CORO2A: variants seen among roughly 807,000 people sequenced by gnomAD.
CORO2A encodes the protein coronin-2A.
Under a neutral mutation model 62.4 loss-of-function variants are expected in CORO2A, and 47 were observed. The ratio of observed to expected loss-of-function variants is 0.75; its 90% confidence interval spans 0.60 to 0.96. The LOEUF (loss-of-function observed/expected upper bound fraction) is 0.96, where lower values mean the gene tolerates loss of function less well. Among genes scored for constraint, CORO2A ranks in the 40% least tolerant of loss-of-function variants. The pLI, the probability that CORO2A is intolerant of heterozygous loss-of-function variation, is 0.00. For synonymous variants in CORO2A, 273 were observed against 268.9 expected, an observed-to-expected ratio of 1.02 and a Z score of -0.15; for missense variants, 610 against 684.1, an observed-to-expected ratio of 0.89 and a Z score of 1.21.
chr9:98,126,626 T>C lies in CORO2A; in HGVS notation c.1369A>G (p.Arg457Gly). 1 of 1,614,150 alleles carries C rather than the reference T, an allele frequency of 6.2e-7. No individual in the cohort carries two copies. The highest frequency in any genetic ancestry group is 8.5e-7 in the Non-Finnish European group (1 of 1,180,016). The change falls in exon 11 of 12, where the codon AGG becomes GGG. Residue 457 changes from arginine to glycine, a missense_variant. Transcript: ENST00000375077. The part of the protein sequence containing the change: ...EKMPRWAAEH[R>G]LEEKKTWLTN... ...AGCCAGGTTTTCTTCTCCTCCAGCC[T>C]GTGTTCTGCTGCCCACCTTGGCATC...
rs1827262445 is a variant in CORO2A, at chr9:98,122,941, G to A, written c.*1833C>T. Reference sequence around the variant, plus strand: ...TTGGTTTTGACCACCTGCCTGTGTTGTAGAATTGGGTTGAATGCCTCTGAC... The same window carrying A: ...TTGGTTTTGACCACCTGCCTGTGTTATAGAATTGGGTTGAATGCCTCTGAC... On this transcript the variant is annotated 3_prime_UTR_variant, in exon 12 of 12. Transcript: ENST00000375077. 1 of 152,272 alleles carries A rather than the reference G, an allele frequency of 6.6e-6. No homozygotes were observed. The highest frequency in any genetic ancestry group is 1.5e-5 in the Non-Finnish European group (1 of 68,088). 9.4% of individuals were successfully genotyped at this position (152,272 alleles called of 1,614,324 possible).
chr9:98,184,355 T>C (rs943175439), intron 1 of CORO2A, among the ~76,000 whole-genome samples: 1 of 152,152 alleles, frequency 6.6e-6, no homozygotes, highest in East Asian at 1.9e-4. Flanking sequence ...ATTTTAAATG[T>C]AGAAAAGACC....
At chr9:98,189,631 G>A (rs972888240) in intron 1 of CORO2A, among the ~76,000 whole-genome samples, 2 of 152,190 alleles carry the variant, frequency 1.3e-5, no homozygotes, top group African/African-American at 4.8e-5. Flanking sequence ...TTCACAGATG[G>A]AGAAAGTGAG....
intron 1 of CORO2A, among the ~76,000 whole-genome samples, chr9:98,174,285 A>C (rs1002884936): frequency 6.6e-6 from 1 of 152,218 alleles, no homozygotes; most frequent in Non-Finnish European, 1.5e-5. Context: ...GCTGGGGTCC[A>C]TGATAGCACC....
chr9:98,128,664 G>A lies in CORO2A; in HGVS notation c.1023C>T (p.Tyr341=). Residue 341 remains tyrosine (Y), a synonymous_variant, in exon 9 of 12, where the codon TAC becomes TAT. Coordinates refer to ENST00000375077, the MANE Select transcript of CORO2A (RefSeq NM_052820.4). ...TGAGGCTTTTGGTTGTGATCAGCTT[G>A]TAGAAGCGGAAGATCTCGCAGGAGG... ...DVSSCEIFRF[Y]KLITTKSLIE... The A allele has an allele frequency of 6.2e-7, 1 of 1,614,234 alleles. No individual in the cohort carries two copies. Among genetic ancestry groups the A allele is most frequent in the Non-Finnish European group, 8.5e-7 (1 of 1,180,042 alleles).
intron 2 of CORO2A, among the ~76,000 whole-genome samples, chr9:98,156,861 C>A (rs1827811742): frequency 6.6e-6 from 1 of 152,206 alleles, no homozygotes; most frequent in Non-Finnish European, 1.5e-5. Flanking sequence ...CACTACTAAC[C>A]TGGGATCCCT....
chr9:98,134,899 C>T lies in CORO2A; in HGVS notation c.375G>A (p.Arg125=), dbSNP rs138480084. ...QLLTRNLTAY[R]KELVGHARRV... ...TGCGCGCGTGGCCCACGAGTTCCTT[C>T]CTGTAGGCCGTGAGGTTCCTGGTCA... is the stretch of plus-strand genomic sequence containing the variant. Residue 125 remains arginine (R), a synonymous_variant, in exon 4 of 12, where the codon AGG becomes AGA. Coordinates refer to ENST00000375077, the MANE Select transcript of CORO2A (RefSeq NM_052820.4). 3.8e-5 allele frequency: 61 copies of T among 1,614,194 alleles called. No homozygotes were observed. The African/African-American group carries it at 4.4e-4, about 12-fold the overall frequency.
chr9:98,173,330 A>G (rs888089446), intron 1 of CORO2A, among the ~76,000 whole-genome samples: 3 of 152,202 alleles, frequency 2.0e-5, no homozygotes, highest in African/African-American at 7.2e-5. Flanking sequence ...ACTATCGCTC[A>G]GTTTACCCCT....
intron 9 of CORO2A, 95 bp downstream of exon 9, chr9:98,128,512 C>G (rs771645535): frequency 8.9e-7 from 1 of 1,119,466 alleles, no homozygotes; most frequent in African/African-American, 1.5e-5. Flanking sequence ...GCCCCATGAA[C>G]GTGGGCTCCA....
intron 4 of CORO2A, among the ~76,000 whole-genome samples, chr9:98,134,219 A>G (rs1827452298): frequency 6.6e-6 from 1 of 152,238 alleles, no homozygotes; most frequent in Non-Finnish European, 1.5e-5. Context: ...CCCAGGCTAT[A>G]GTGCAGGTCA....
chr9:98,134,320 A>T (rs777938587), intron 4 of CORO2A, among the ~76,000 whole-genome samples: 1 of 152,156 alleles, frequency 6.6e-6, no homozygotes, highest in Non-Finnish European at 1.5e-5. Flanking sequence ...TCAGTGGAGC[A>T]GGGTCGGGGG....
intron 2 of CORO2A, among the ~76,000 whole-genome samples, chr9:98,154,329 G>GTA (rs61422672): frequency 0.086 from 7,638 of 89,050 alleles, 430 homozygotes; most frequent in Middle Eastern, 0.19. Flanking sequence ...GTGTTTGTGT[G>GTA]TATATATATA....
chr9:98,180,754 G>A (rs1213297861), intron 1 of CORO2A, among the ~76,000 whole-genome samples: 1 of 151,924 alleles, frequency 6.6e-6, no homozygotes, highest in African/African-American at 2.4e-5. Context: ...CTTTGCCAGT[G>A]TCCCCAATGA....
intron 2 of CORO2A, among the ~76,000 whole-genome samples, chr9:98,155,874 T>C (rs1360576259): frequency 6.6e-6 from 1 of 152,164 alleles, no homozygotes; most frequent in African/African-American, 2.4e-5. Context: ...GTACCCTTTC[T>C]CTTTTATTGT....
At position 98,157,592 on chromosome 9, in the gene CORO2A, C is replaced by T. The variant is rs763373485; in HGVS notation, c.69G>A (p.Glu23=). 2 of 1,613,984 alleles carry T rather than the reference C, an allele frequency of 1.2e-6. No homozygotes were observed. The highest frequency in any genetic ancestry group is 1.3e-5 in the African/African-American group (1 of 74,906). ...RHVFGKPASK[E]NCYDSVPITR... ...TGATAGGCACGGAGTCGTAGCAGTT[C>T]TCCTTGCTGGCTGGTTTGCCAAAGA... Residue 23 remains glutamate, a synonymous_variant, in exon 2 of 12, where the codon GAG becomes GAA. Transcript: ENST00000375077.
At chr9:98,163,188 A>C (rs113426155) in intron 1 of CORO2A, among the ~76,000 whole-genome samples, 4,386 of 152,180 alleles carry the variant, frequency 0.029, 205 homozygotes, top group African/African-American at 0.1. Context: ...CACTGAGTTT[A>C]TTTCTTTTTT....
chr9:98,137,617 G>T lies in CORO2A; in HGVS notation c.273C>A (p.Asn91Lys), dbSNP rs765134365. The T allele has an allele frequency of 1.9e-6, 3 of 1,614,090 alleles. No homozygotes were observed. The highest frequency in any genetic ancestry group is 1.7e-5 in the Admixed American group (1 of 60,004). The change falls in exon 3 of 12, where the codon AAC (asparagine) becomes AAA (lysine). Residue 91 changes from asparagine (N) to lysine (K), a missense_variant. By Grantham distance (94) the Asn-to-Lys change is moderately conservative. Transcript: ENST00000375077. ...HRGNVLDVKW[N>K]PFDDFEIASC... The stretch of plus-strand genomic sequence containing the variant: ...AGGCGATCTCAAAATCATCAAAAGG[G>T]TTCCACTTGACATCCAAAACGTTGC...
chr9:98,132,067 T>C, intron 6 of CORO2A, 118 bp downstream of exon 6: 2 of 827,786 alleles, frequency 2.4e-6, no homozygotes, highest in Admixed American at 3.8e-5. Context: ...CCCCAGCACC[T>C]GGCAGTCTAC....
chr9:98,149,017 C>G (rs1185012993), intron 2 of CORO2A, among the ~76,000 whole-genome samples: 1 of 152,032 alleles, frequency 6.6e-6, no homozygotes, highest in Non-Finnish European at 1.5e-5. Flanking sequence ...GGGAACAGAT[C>G]TTTGTGATGA....
Sources: gnomAD v4.1 joint callset for allele counts (sites outside exome capture counted in the v4.1 genomes callset) on GRCh38, gnomAD v4.1.1 for gene constraint, MANE v1.5 for transcripts, NCBI Gene and HGNC (gene_info 2026-07-23, HGNC 2026-07-21) for gene names.